The following PKIB variants were observed in gnomAD, a reference collection of about 807,000 sequenced individuals.
PKIB encodes cAMP-dependent protein kinase inhibitor beta.
PKIB carries 2 observed loss-of-function variants against 4.5 expected under a neutral mutation model. The observed-to-expected ratio is 0.44, with a 90% CI of 0.18 to 1.39. The LOEUF is 1.39. Ranked by LOEUF, PKIB falls within the 40% of genes most tolerant of loss-of-function variation. The pLI, the probability that PKIB is intolerant of heterozygous loss-of-function variation, is 0.27. For synonymous variants in PKIB, 38 were observed against 36.0 expected, an observed-to-expected ratio of 1.06 and a Z score of -0.20; for missense variants, 94 against 92.6, an observed-to-expected ratio of 1.02 and a Z score of -0.06.
chr6:122,627,636 C>G (rs1775510738), intron 1 of PKIB, among the ~76,000 whole-genome samples: 1 of 152,144 alleles, frequency 6.6e-6, no homozygotes, highest in African/African-American at 2.4e-5. Context: ...TCAACCCTGG[C>G]ATAAATTCTT....
intron 1 of PKIB, among the ~76,000 whole-genome samples, chr6:122,616,591 G>T (rs1774999683): frequency 6.6e-6 from 1 of 152,136 alleles, no homozygotes; most frequent in South Asian, 2.1e-4. Flanking sequence ...GTATAGAAAA[G>T]ACAATTTATG....
chr6:122,538,500 A>T (rs1415598584), intron 2 of PKIB, among the ~76,000 whole-genome samples: 16 of 152,076 alleles, frequency 1.1e-4, no homozygotes, highest in Admixed American at 7.2e-4. Flanking sequence ...GATACGTGGC[A>T]TTATTTCTGA....
At position 122,616,505 on chromosome 6, in the gene PKIB, A is replaced by G. The variant is rs140276685; in HGVS notation, c.-161+5970A>G. Among the ~76,000 whole-genome samples the G allele has an allele frequency of 7.5e-4, 114 of 152,250 alleles. 1 individual carries two copies. The highest frequency in any genetic ancestry group is 2.7e-3 in the African/African-American group (112 of 41,562). ...AGGGAATCACGCGACACAGTGTCCAATTAATTTTTGTTTAATATTTAAAGG... is the reference window on the plus strand; with the variant it reads ...AGGGAATCACGCGACACAGTGTCCAGTTAATTTTTGTTTAATATTTAAAGG... On this transcript the variant is annotated intron_variant, in intron 1 of 4. Transcript: ENST00000368452.
intron 3 of PKIB, among the ~76,000 whole-genome samples, chr6:122,600,155 A>G (rs1177503424): frequency 6.6e-6 from 1 of 152,178 alleles, no homozygotes; most frequent in African/African-American, 2.4e-5. Flanking sequence ...AAACTGAAGA[A>G]CTTGGAGTCT....
intron 3 of PKIB, among the ~76,000 whole-genome samples, chr6:122,710,644 T>A (rs1286098797): frequency 6.6e-6 from 1 of 152,176 alleles, no homozygotes. Flanking sequence ...TATCCTGGAA[T>A]TAAGCGCTGC....
intron 3 of PKIB, among the ~76,000 whole-genome samples, chr6:122,605,122 C>A (rs1280325332): frequency 6.6e-6 from 1 of 152,094 alleles, no homozygotes; most frequent in Non-Finnish European, 1.5e-5. Context: ...ACTCTGTCAC[C>A]CAAGCTTGGT....
rs551187683 is a variant in PKIB at position 122,575,447 on chromosome 6, G to GA, written c.-247-10464dup. Among the ~76,000 whole-genome samples the GA allele has an allele frequency of 3.1e-3, 459 of 148,132 alleles. 2 individuals are homozygous for GA. The highest frequency in any genetic ancestry group is 5.0e-3 in the Non-Finnish European group (331 of 66,810). On this transcript the variant is annotated intron_variant, in intron 2 of 6. Transcript: ENST00000392491. ...CTCAAAGGAAAGTAAGTCATTATAT[G>GA]AAAAAAAAAACATGCACACTCATGT... is the stretch of plus-strand genomic sequence containing the variant.
chr6:122,648,711 T>C (rs958481307), intron 2 of PKIB, among the ~76,000 whole-genome samples: 2 of 152,204 alleles, frequency 1.3e-5, no homozygotes, highest in African/African-American at 4.8e-5. Context: ...ATAGTAAGTA[T>C]ATAATTCCAG....
chr6:122,498,336 C>G (rs1409098678), intron 2 of PKIB, among the ~76,000 whole-genome samples: 3 of 152,106 alleles, frequency 2.0e-5, no homozygotes, highest in Non-Finnish European at 4.4e-5. Flanking sequence ...CATTCACTAT[C>G]AGGAGGACAG....
At chr6:122,677,842 T>C (rs1031327994) in intron 3 of PKIB, among the ~76,000 whole-genome samples, 2 of 141,114 alleles carry the variant, frequency 1.4e-5, no homozygotes. Flanking sequence ...AGCTTTCTTT[T>C]CTTCCTTCCT....
At chr6:122,662,780 T>C (rs1777061666) in intron 2 of PKIB, among the ~76,000 whole-genome samples, 1 of 152,194 alleles carries the variant, frequency 6.6e-6, no homozygotes, top group South Asian at 2.1e-4. Flanking sequence ...ACTTTACTAA[T>C]GAGTAAACTG....
chr6:122,605,130 G>T (rs996148924), intron 3 of PKIB, among the ~76,000 whole-genome samples: 1 of 152,098 alleles, frequency 6.6e-6, no homozygotes, highest in Non-Finnish European at 1.5e-5. Context: ...ACCCAAGCTT[G>T]GTTGCAGGAC....
intron 2 of PKIB, among the ~76,000 whole-genome samples, chr6:122,662,379 A>C (rs957908604): frequency 8.1e-6 from 1 of 123,408 alleles, no homozygotes; most frequent in Non-Finnish European, 1.6e-5. Flanking sequence ...GCAATGGCAC[A>C]ATCTGGGCTC....
chr6:122,622,629 A>G (rs1464186921), intron 1 of PKIB, among the ~76,000 whole-genome samples: 1 of 152,182 alleles, frequency 6.6e-6, no homozygotes, highest in Non-Finnish European at 1.5e-5. Context: ...AGCAGTCCCC[A>G]TGGATCAGTC....
chr6:122,674,565 G>A (rs185114484), intron 2 of PKIB, among the ~76,000 whole-genome samples: 77 of 152,270 alleles, frequency 5.1e-4, no homozygotes, highest in African/African-American at 1.7e-3. Flanking sequence ...GAGCAAGATG[G>A]TTCGATTCCT....
intron 2 of PKIB, among the ~76,000 whole-genome samples, chr6:122,578,820 A>G (rs1267103053): frequency 6.6e-6 from 1 of 152,206 alleles, no homozygotes; most frequent in Non-Finnish European, 1.5e-5. Flanking sequence ...AGGTAAACGA[A>G]TCATGGGGTC....
intron 2 of PKIB, among the ~76,000 whole-genome samples, chr6:122,539,721 T>G (rs1302925153): frequency 6.6e-6 from 1 of 151,668 alleles, no homozygotes; most frequent in Non-Finnish European, 1.5e-5. Context: ...GGATTCCCTC[T>G]TTTTCTATTG....
chr6:122,648,803 A>C (rs981753843), intron 2 of PKIB, among the ~76,000 whole-genome samples: 1 of 152,194 alleles, frequency 6.6e-6, no homozygotes, highest in Non-Finnish European at 1.5e-5. Flanking sequence ...TTAATCACCC[A>C]GGGAATGATA....
chr6:122,706,583 C>T (rs1038216251), intron 3 of PKIB, among the ~76,000 whole-genome samples: 1 of 152,136 alleles, frequency 6.6e-6, no homozygotes, highest in African/African-American at 2.4e-5. Context: ...AAATGGGTTC[C>T]AGTCTTGTCT....
Sources: allele counts gnomAD v4.1 joint callset (sites outside exome capture counted in the v4.1 genomes callset), GRCh38; gene constraint gnomAD v4.1.1; transcripts MANE v1.5; gene names NCBI Gene and HGNC (gene_info 2026-07-23, HGNC 2026-07-21).